HYAL4: variants seen among roughly 807,000 people sequenced by gnomAD.
The protein encoded by HYAL4 is hyaluronidase 4.
In HYAL4, 37 loss-of-function variants were observed where a neutral mutation model predicts 35.2. The observed-to-expected ratio is 1.05, with a 90% CI of 0.81 to 1.38. HYAL4 has a LOEUF of 1.38. Among genes scored for constraint, HYAL4 ranks in the 40% most tolerant of loss-of-function variants. The probability of loss-of-function intolerance (pLI) is 0.00; values close to 1 mark genes in which losing one functional copy is unlikely to be tolerated. For missense variants in HYAL4, 572 were observed against 572.4 expected (o/e 1.00, Z 0.01); for synonymous variants, 198 against 203.2 (o/e 0.97, Z 0.22).
chr7:123,793,341 C>G, the HYAL4 span, among the ~76,000 whole-genome samples: 4 of 152,166 alleles, frequency 2.6e-5, no homozygotes, highest in Admixed American at 6.5e-5. Context: ...ACCCTTATGC[C>G]TAACTGTTTT....
chr7:123,789,086 C>G, the HYAL4 span, among the ~76,000 whole-genome samples: 2 of 152,184 alleles, frequency 1.3e-5, no homozygotes, highest in Non-Finnish European at 2.9e-5. Context: ...GTGTATTTAT[C>G]CAGCACATAT....
rs1055920184 is a variant in HYAL4, at chr7:123,836,844, C to T, written c.-256-7401C>T. Among the ~76,000 whole-genome samples the T allele has an allele frequency of 2.5e-4, 38 of 152,092 alleles. 1 individual carries two copies. The highest frequency in any genetic ancestry group is 2.1e-4 in the South Asian group (1 of 4,822). On this transcript the variant is annotated intron_variant, in intron 1 of 4. Transcript: ENST00000489978. ...AGCAGTCTGAAACCAGCCTGGCTGA[C>T]GTGGCAAAACCCTGTCTCTACTAAT...
chr7:123,782,791 A>G, the HYAL4 span, among the ~76,000 whole-genome samples: 9 of 152,176 alleles, frequency 5.9e-5, no homozygotes, highest in Non-Finnish European at 1.3e-4. Flanking sequence ...GAGAAGTCAT[A>G]TAATAAATGT....
chr7:123,857,231 C>T (rs750559266), intron 2 of HYAL4, among the ~76,000 whole-genome samples: 7 of 151,922 alleles, frequency 4.6e-5, no homozygotes, highest in Non-Finnish European at 7.4e-5. Flanking sequence ...CACTGGGGTA[C>T]AAAAAAACCT....
At chr7:123,787,401 C>T in the HYAL4 span, among the ~76,000 whole-genome samples, 1 of 152,016 alleles carries the variant, frequency 6.6e-6, no homozygotes, top group Non-Finnish European at 1.5e-5. Context: ...ATGCCCATTG[C>T]TCAAGCCCAT....
chr7:123,829,384 A>C (rs1562990462), intron 1 of HYAL4: 1 of 152,226 alleles, frequency 6.6e-6, no homozygotes, highest in East Asian at 1.9e-4. Context: ...CTACAATGCC[A>C]ATTTTTTCTT....
chr7:123,860,894 T>C (rs1806562920), intron 2 of HYAL4, among the ~76,000 whole-genome samples: 1 of 152,188 alleles, frequency 6.6e-6, no homozygotes, highest in Non-Finnish European at 1.5e-5. Flanking sequence ...AAAATATATA[T>C]GCTTGTACAG....
the HYAL4 span, among the ~76,000 whole-genome samples, chr7:123,789,220 CTA>C: frequency 6.6e-6 from 1 of 152,166 alleles, no homozygotes; most frequent in Non-Finnish European, 1.5e-5. Context: ...ACACAAATAA[CTA>C]TAATTTAGGA....
chr7:123,794,228 A>C, the HYAL4 span, among the ~76,000 whole-genome samples: 2 of 152,192 alleles, frequency 1.3e-5, no homozygotes, highest in East Asian at 3.9e-4. Flanking sequence ...GAACCATCTA[A>C]GTGGCAAAGT....
intron 1 of HYAL4, among the ~76,000 whole-genome samples, chr7:123,839,959 T>A (rs1806027240): frequency 6.6e-6 from 1 of 152,212 alleles, no homozygotes; most frequent in Admixed American, 6.5e-5. Context: ...CTGATGGTAG[T>A]TTATTTTGCC....
intron 1 of HYAL4, among the ~76,000 whole-genome samples, chr7:123,829,650 C>T (rs1177340920): frequency 6.6e-6 from 1 of 152,026 alleles, no homozygotes; most frequent in East Asian, 1.9e-4. Context: ...GCCTGGACAA[C>T]ATAGCAAGAT....
chr7:123,825,726 C>G (rs189440745), upstream of HYAL4, among the ~76,000 whole-genome samples: 504 of 152,252 alleles, frequency 3.3e-3, 2 homozygotes, highest in African/African-American at 0.011. Context: ...CTTAGTCAAT[C>G]AATCAATCAT....
intron 3 of HYAL4, among the ~76,000 whole-genome samples, chr7:123,870,905 T>A (rs1806863762): frequency 6.6e-6 from 1 of 152,202 alleles, no homozygotes; most frequent in Admixed American, 6.5e-5. Context: ...TTAGTGATAA[T>A]AAATTGACTT....
the HYAL4 span, among the ~76,000 whole-genome samples, chr7:123,782,034 A>C: frequency 1.3e-5 from 2 of 151,756 alleles, no homozygotes; most frequent in African/African-American, 4.8e-5. Context: ...CAGCCTCCTG[A>C]GTAGTTAAGA....
chr7:123,805,879 C>T, the HYAL4 span, among the ~76,000 whole-genome samples: 1 of 151,978 alleles, frequency 6.6e-6, no homozygotes, highest in Non-Finnish European at 1.5e-5. Context: ...CCTGTAATCC[C>T]AGCTACTTGG....
intron 3 of HYAL4, among the ~76,000 whole-genome samples, chr7:123,873,609 G>A (rs569202305): frequency 6.6e-6 from 1 of 152,170 alleles, no homozygotes; most frequent in South Asian, 2.1e-4. Context: ...TTCACCCTTG[G>A]AGTAAAAGGT....
intron 2 of HYAL4, among the ~76,000 whole-genome samples, chr7:123,867,617 T>A (rs1293195865): frequency 6.6e-6 from 1 of 152,206 alleles, no homozygotes; most frequent in African/African-American, 2.4e-5. Flanking sequence ...TGGTTTTAAT[T>A]TCTTGCCACT....
the HYAL4 span, among the ~76,000 whole-genome samples, chr7:123,772,862 C>G: frequency 6.6e-6 from 1 of 152,116 alleles, no homozygotes; most frequent in East Asian, 1.9e-4. Flanking sequence ...GGCCATCCAC[C>G]AAGTGAGGGA....
At chr7:123,802,850 T>C in the HYAL4 span, among the ~76,000 whole-genome samples, 1 of 152,238 alleles carries the variant, frequency 6.6e-6, no homozygotes, top group Non-Finnish European at 1.5e-5. Context: ...ACATATGCAA[T>C]TGTATACTAC....
Sources: allele counts gnomAD v4.1 joint callset (sites outside exome capture counted in the v4.1 genomes callset), GRCh38; gene constraint gnomAD v4.1.1; transcripts MANE v1.5; gene names NCBI Gene and HGNC (gene_info 2026-07-23, HGNC 2026-07-21).